Variants in DLG1 observed in about 807,000 individuals in gnomAD.
DLG1 encodes discs large MAGUK scaffold protein 1, also known as disks large homolog 1.
A neutral mutation model predicts 123.4 loss-of-function variants in DLG1; 42 were observed. The ratio of observed to expected loss-of-function variants is 0.34; its 90% CI spans 0.27 to 0.44. The LOEUF is 0.44. Among genes scored for constraint, DLG1 ranks in the 20% least tolerant of loss-of-function variants. The pLI is 1.00. For synonymous variants in DLG1, 317 were observed against 356.2 expected, an observed-to-expected ratio of 0.89 and a Z score of 1.24; for missense variants, 942 against 1,082.6, an observed-to-expected ratio of 0.87 and a Z score of 1.82.
chr3:197,246,575 A>C (rs546071841), intron 4 of DLG1, among the ~76,000 whole-genome samples: 1 of 152,316 alleles, frequency 6.6e-6, no homozygotes, highest in African/African-American at 2.4e-5. Flanking sequence ...GACTGAATAA[A>C]TTTGGGCCAC....
intron 3 of DLG1, among the ~76,000 whole-genome samples, chr3:197,292,861 T>C (rs1426685710): frequency 1.3e-5 from 2 of 152,184 alleles, no homozygotes; most frequent in Non-Finnish European, 2.9e-5. Context: ...CAGCCTAATC[T>C]TGGGCCCCAG....
chr3:197,258,691 A>G (rs904050347), intron 4 of DLG1, among the ~76,000 whole-genome samples: 2 of 152,180 alleles, frequency 1.3e-5, no homozygotes, highest in Admixed American at 6.5e-5. Flanking sequence ...TAAGACCAGA[A>G]AAGGGAGAAA....
At chr3:197,128,706 T>C (rs573796152) in intron 11 of DLG1, among the ~76,000 whole-genome samples, 77 of 152,342 alleles carry the variant, frequency 5.1e-4, no homozygotes, top group African/African-American at 1.5e-3. Context: ...AATTATTCCT[T>C]GATCCATGGA....
At chr3:197,197,215 G>A (rs146017250) in intron 4 of DLG1, among the ~76,000 whole-genome samples, 38 of 152,274 alleles carry the variant, frequency 2.5e-4, no homozygotes, top group African/African-American at 8.2e-4. Context: ...GTAGCTGGAC[G>A]CAACAACTTA....
intron 5 of DLG1, among the ~76,000 whole-genome samples, chr3:197,160,466 A>G (rs1049642366): frequency 1.3e-5 from 2 of 152,018 alleles, no homozygotes; most frequent in South Asian, 4.1e-4. Context: ...GCTCAGAATT[A>G]TATTTTATTT....
At chr3:197,075,825 T>C (rs367977236) in intron 18 of DLG1, 19 of 1,611,182 alleles carry the variant, frequency 1.2e-5, no homozygotes, top group Middle Eastern at 1.6e-4. Context: ...TGGGAGTATT[T>C]TGATCACTTA....
intron 11 of DLG1, among the ~76,000 whole-genome samples, chr3:197,125,308 T>C (rs937803596): frequency 1.3e-5 from 2 of 152,142 alleles, no homozygotes; most frequent in Non-Finnish European, 2.9e-5. Context: ...TGGCCATACG[T>C]AAAAAGCAGA....
chr3:197,268,949 A>T (rs1762827097), intron 4 of DLG1, among the ~76,000 whole-genome samples: 1 of 152,134 alleles, frequency 6.6e-6, no homozygotes. Flanking sequence ...CAGAATCATC[A>T]GTATCACTGG....
At chr3:197,118,114 A>C (rs1448432421) in intron 12 of DLG1, among the ~76,000 whole-genome samples, 2 of 152,206 alleles carry the variant, frequency 1.3e-5, no homozygotes, top group Non-Finnish European at 1.5e-5. Flanking sequence ...TTCATACTTA[A>C]AAGTCCAATG....
Position 197,060,142 on chromosome 3 carries a change from G to C in DLG1, c.2374-144C>G, listed in dbSNP as rs568770509. On this transcript the variant is annotated intron_variant, in intron 22 of 24. Coordinates refer to ENST00000667157, the MANE Select transcript of DLG1 (RefSeq NM_001366207.1). ...TTTAGTAAACTTGTCATTTCTCTCA[G>C]CAAACTTTAGATAGGAAATGAAATG... 86 of 513,276 alleles carry C rather than the reference G, an allele frequency of 1.7e-4. 2 individuals are homozygous for C. In the South Asian group the frequency reaches 3.1e-3, roughly 19 times the overall value. The allele number at this position is 513,276 out of a possible 1,614,324, so 31.8% of individuals were successfully genotyped here.
intron 6 of DLG1, among the ~76,000 whole-genome samples, chr3:197,143,259 TTTTG>T (rs1447746261): frequency 8.2e-6 from 1 of 121,608 alleles, no homozygotes; most frequent in African/African-American, 2.8e-5. Context: ...ATCTTTTTTG[TTTTG>T]TTTTTTTGAG....
At chr3:197,162,909 A>G (rs1386255960) in intron 5 of DLG1, among the ~76,000 whole-genome samples, 4 of 152,210 alleles carry the variant, frequency 2.6e-5, no homozygotes, top group Non-Finnish European at 5.9e-5. Context: ...AGCAAGTGAA[A>G]AGACAGCCTA....
chr3:197,086,952 A>G (rs1467598840), intron 15 of DLG1, among the ~76,000 whole-genome samples: 1 of 152,150 alleles, frequency 6.6e-6, no homozygotes, highest in Non-Finnish European at 1.5e-5. Flanking sequence ...CACAATCTCT[A>G]CTTACGTTAG....
chr3:197,221,223 G>C (rs1561527645), intron 4 of DLG1, among the ~76,000 whole-genome samples: 1 of 152,132 alleles, frequency 6.6e-6, no homozygotes, highest in Non-Finnish European at 1.5e-5. Context: ...GAAGGATAAA[G>C]AAACATAACA....
At chr3:197,207,758 A>T (rs909734053) in intron 4 of DLG1, among the ~76,000 whole-genome samples, 1 of 147,756 alleles carries the variant, frequency 6.8e-6, no homozygotes, top group Admixed American at 6.8e-5. Flanking sequence ...AACCAATATC[A>T]TTGGTTAAAA....
intron 4 of DLG1, among the ~76,000 whole-genome samples, chr3:197,242,535 T>C (rs1245559044): frequency 6.6e-6 from 1 of 151,340 alleles, no homozygotes; most frequent in East Asian, 1.9e-4. Context: ...ACCATTATCA[T>C]AGGCCATGAG....
intron 24 of DLG1, among the ~76,000 whole-genome samples, chr3:197,049,190 G>A (rs1725513849): frequency 6.6e-6 from 1 of 151,924 alleles, no homozygotes; most frequent in Non-Finnish European, 1.5e-5. Context: ...GGTGGCATGT[G>A]CCTCTAGTCC....
intron 6 of DLG1, among the ~76,000 whole-genome samples, chr3:197,144,300 A>G (rs1045734611): frequency 6.6e-6 from 1 of 152,178 alleles, no homozygotes; most frequent in African/African-American, 2.4e-5. Flanking sequence ...AGCAGCTATA[A>G]CATGAGTAAA....
intron 4 of DLG1, among the ~76,000 whole-genome samples, chr3:197,205,685 T>C (rs1728164326): frequency 6.6e-6 from 1 of 152,236 alleles, no homozygotes; most frequent in South Asian, 2.1e-4. Flanking sequence ...ATATACTCAC[T>C]AAAACTGAGA....
Sources: allele counts gnomAD v4.1 joint callset (sites outside exome capture counted in the v4.1 genomes callset), GRCh38; gene constraint gnomAD v4.1.1; transcripts MANE v1.5; gene names NCBI Gene and HGNC (gene_info 2026-07-23, HGNC 2026-07-21).